Variants in NOP2 observed in about 807,000 individuals in gnomAD.
NOP2 encodes 28S rRNA (cytosine(4447)-C(5))-methyltransferase.
Under a neutral mutation model 72.7 loss-of-function variants are expected in NOP2, and 7 were observed. The ratio of observed to expected loss-of-function variants is 0.10; its 90% CI spans 0.05 to 0.18. NOP2 has a LOEUF of 0.18. Ranked by LOEUF, NOP2 falls within the 10% of genes least tolerant of loss-of-function variation. The probability of loss-of-function intolerance (pLI) is 1.00; values close to 1 mark genes in which losing one functional copy is unlikely to be tolerated. For missense variants in NOP2, 954 were observed against 1,014.7 expected (o/e 0.94, Z 0.81); for synonymous variants, 387 against 388.0 (o/e 1.00, Z 0.03).
intron 9 of NOP2, among the ~76,000 whole-genome samples, chr12:6,562,677 A>C (rs922882395): frequency 2.0e-5 from 3 of 152,182 alleles, no homozygotes; most frequent in African/African-American, 7.2e-5. Context: ...AACACATATA[A>C]CCCAACAACT....
In NOP2 at chr12:6,557,464, C is replaced by T; in HGVS notation, c.1968G>A (p.Gly656=). The change falls in exon 16 of 16, where the codon GGG becomes GGA. Residue 656 remains glycine, a synonymous_variant. Coordinates refer to ENST00000322166, the MANE Select transcript of NOP2 (RefSeq NM_001258308.2). Reference sequence around the variant, plus strand: ...GTACAGTGGACAATTCTGAGTCTGCCCCTTTGGAGATGCCATTCAGCTTCT... The same window carrying T: ...GTACAGTGGACAATTCTGAGTCTGCTCCTTTGGAGATGCCATTCAGCTTCT... ...SFQKLNGISK[G]ADSELSTVPS... The T allele has an allele frequency of 6.2e-7, 1 of 1,613,938 alleles. No individual in the cohort carries two copies. Among genetic ancestry groups the T allele is most frequent in the South Asian group, 1.1e-5 (1 of 91,088 alleles).
chr12:6,567,960 G>T, intron 1 of NOP2, 38 bp from the exon 2 acceptor site: 2 of 1,522,656 alleles, frequency 1.3e-6, no homozygotes, highest in Non-Finnish European at 1.8e-6. Flanking sequence ...GGCGTCGCGC[G>T]TGTCGGAGGG....
chr12:6,566,289 A>T lies in NOP2; in HGVS notation c.286T>A (p.Ser96Thr). The T allele has an allele frequency of 6.2e-7, 1 of 1,613,788 alleles. No homozygotes were observed. Among genetic ancestry groups the T allele is most frequent in the Non-Finnish European group, 8.5e-7 (1 of 1,179,858 alleles). ...TTGCCTCGAGGAGCATTAAATAGGGACTGGGGTCCCTTCTTACCAGCTGTC... is the reference window on the plus strand; with the variant it reads ...TTGCCTCGAGGAGCATTAAATAGGGTCTGGGGTCCCTTCTTACCAGCTGTC... The part of the protein sequence containing the change: ...VQTAGKKGPQ[S>T]LFNAPRGKKR... Residue 96 changes from serine (S) to threonine (T), a missense_variant, in exon 5 of 16, where the codon TCC (serine) becomes ACC (threonine). By Grantham distance (58) the Ser-to-Thr change is moderately conservative (BLOSUM62 1). Coordinates refer to ENST00000322166, the MANE Select transcript of NOP2 (RefSeq NM_001258308.2).
rs1349471599 is a variant in NOP2, at chr12:6,561,787, G to C, written c.1084C>G (p.Leu362Val). 1 of 1,609,796 alleles carries C rather than the reference G, an allele frequency of 6.2e-7. No individual in the cohort carries two copies. Among genetic ancestry groups the C allele is most frequent in the Non-Finnish European group, 8.5e-7 (1 of 1,178,062 alleles). The change falls in exon 11 of 16, where the codon CTG (leucine) becomes GTG (valine). Residue 362 changes from leucine (L) to valine (V), a missense_variant. Transcript: ENST00000322166. Reference protein sequence around the residue: ...SVPIGATPEYLAGHYMLQGAS... With the variant: ...SVPIGATPEYVAGHYMLQGAS... The stretch of plus-strand genomic sequence containing the variant: ...CCCTGCAGCATGTAGTGCCCAGCCA[G>C]GTACTCGGGGGTAGCACCTGTGGAG...
At chr12:6,564,278 A>AAG (rs1947724377) in intron 5 of NOP2, 1 of 235,272 alleles carries the variant, frequency 4.3e-6, no homozygotes, top group South Asian at 4.5e-5. Flanking sequence ...TTCATCTCAA[A>AAG]AAAAAAAAAA....
At chr12:6,565,836 C>G (rs1338310047) in intron 5 of NOP2, among the ~76,000 whole-genome samples, 1 of 152,044 alleles carries the variant, frequency 6.6e-6, no homozygotes, top group African/African-American at 2.4e-5. Flanking sequence ...ATTTCTGTGC[C>G]CATCAGTGGA....
At chr12:6,562,097 T>C (rs757404546) in intron 9 of NOP2, 126 bp from the exon 10 acceptor site, 113 of 713,418 alleles carry the variant, frequency 1.6e-4, no homozygotes, top group Non-Finnish European at 2.6e-4. Context: ...CAAGCGATTC[T>C]CTCGTGCCTC....
At chr12:6,567,965 G>A (rs1057410473) in intron 1 of NOP2, 43 bp from the exon 2 acceptor site, 1 of 1,493,080 alleles carries the variant, frequency 6.7e-7, no homozygotes, top group Non-Finnish European at 9.3e-7. Context: ...CGCGCGTGTC[G>A]GAGGGAACGG....
At position 6,561,796 on chromosome 12, in the gene NOP2, G is replaced by C. The variant is rs202087530; in HGVS notation, c.1075C>G (p.Pro359Ala). Residue 359 changes from proline (P) to alanine (A), a missense_variant, in exon 11 of 16, where the codon CCC becomes GCC. Around this residue, in one of 3 missense-constraint regions of NOP2, gnomAD observed 498 missense variants for 478.3 expected, o/e 1.04. Transcript: ENST00000322166. ...YDSSVPIGAT[P>A]EYLAGHYMLQ... Reference sequence around the variant, plus strand: ...ATGTAGTGCCCAGCCAGGTACTCGGGGGTAGCACCTGTGGAGAAGGACCAC... The same window carrying C: ...ATGTAGTGCCCAGCCAGGTACTCGGCGGTAGCACCTGTGGAGAAGGACCAC... 1.3e-4 allele frequency: 217 copies of C among 1,609,878 alleles called. No homozygotes were observed. The highest frequency in any genetic ancestry group is 1.8e-4 in the Non-Finnish European group (207 of 1,178,098).
rs1181424508 is a variant in NOP2 at position 6,560,764 on chromosome 12, T to C, written c.1371A>G (p.Val457=). 1 of 1,613,168 alleles carries C rather than the reference T, an allele frequency of 6.2e-7. No individual in the cohort carries two copies. The highest frequency in any genetic ancestry group is 1.1e-5 in the South Asian group (1 of 90,914). The change falls in exon 13 of 16, where the codon GTA becomes GTG. Residue 457 remains valine, a synonymous_variant. Coordinates refer to ENST00000322166, the MANE Select transcript of NOP2 (RefSeq NM_001258308.2). The surrounding 1 kb of genome is among the most constrained non-coding windows in gnomAD (Gnocchi z 5.0). ...FPKVVGGFDR[V]LLDAPCSGTG... is the part of the protein sequence containing the mutation. The stretch of plus-strand genomic sequence containing the variant: ...TGCCACTGCAGGGAGCATCCAGCAG[T>C]ACTCGGTCAAAGCCCCCCACCACCT...
At position 6,563,910 on chromosome 12, in the gene NOP2, C is replaced by A. The variant is rs567125222; in HGVS notation, c.511G>T (p.Ala171Ser). The A allele has an allele frequency of 1.2e-6, 2 of 1,613,810 alleles. No individual in the cohort carries two copies. Among genetic ancestry groups the A allele is most frequent in the African/African-American group, 1.3e-5 (1 of 75,044 alleles). The change falls in exon 6 of 16, where the codon GCC becomes TCC. Residue 171 changes from alanine to serine, a missense_variant. By Grantham distance (99) the Ala-to-Ser change is moderately conservative (BLOSUM62 1). This residue lies in a region of NOP2 where 498 missense variants were observed against 478.3 expected (regional missense o/e 1.04). Coordinates refer to ENST00000322166, the MANE Select transcript of NOP2 (RefSeq NM_001258308.2). ...ACTCACCCAGCAGCAGCTTCCCGGG[C>A]CTTCTGCTTCCGAGCAGCTCTTTCA... ...PIERAARKQK[A>S]REAAAGIQWS...
rs773956016 is a variant in NOP2, at chr12:6,563,538, C to G, written c.689-24G>C. 4 of 1,611,850 alleles carry G rather than the reference C, an allele frequency of 2.5e-6. No individual in the cohort carries two copies. The South Asian group carries it at 4.4e-5, about 18-fold the overall frequency. The stretch of plus-strand genomic sequence containing the variant: ...ATGTGGGCCTGTTAAGGAACTGTGT[C>G]ATGATGTCCTAAGGCCTGGAAATCC... On this transcript the variant is annotated intron_variant, in intron 7 of 15. Coordinates refer to ENST00000322166, the MANE Select transcript of NOP2 (RefSeq NM_001258308.2).
In NOP2 at chr12:6,561,824, T is replaced by A; in HGVS notation, c.1067-20A>T. The A allele has an allele frequency of 6.2e-7, 1 of 1,609,212 alleles. No homozygotes were observed. The highest frequency in any genetic ancestry group is 8.5e-7 in the Non-Finnish European group (1 of 1,177,790). ...TAGCACCTGTGGAGAAGGACCACCC[T>A]GTGACATGCGGTAGGGACAGGGACA... is the stretch of plus-strand genomic sequence containing the variant. On this transcript the variant is annotated intron_variant, in intron 10 of 15. Transcript: ENST00000322166.
intron 1 of NOP2, 103 bp from the exon 2 acceptor site, chr12:6,568,025 C>G (rs1360519361): frequency 1.2e-6 from 1 of 807,084 alleles, no homozygotes; most frequent in South Asian, 1.6e-5. Context: ...AGCCTCAACT[C>G]AGCACCCGCA....
Position 6,563,097 on chromosome 12 carries a change from C to A in NOP2, c.962G>T (p.Arg321Leu). 1 of 1,590,066 alleles carries A rather than the reference C, an allele frequency of 6.3e-7. No homozygotes were observed. Residue 321 changes from arginine (R) to leucine (L), a missense_variant, in exon 9 of 16, where the codon CGC becomes CTC. By Grantham distance (102) the Arg-to-Leu change is moderately radical. Transcript: ENST00000322166. ...ACCCCTCACCTGTGCAAGGTCTCGG[C>A]GTCGGGTTTTCAAGGTATTGGTCCG... is the stretch of plus-strand genomic sequence containing the variant. ...TLRTNTLKTR[R>L]RDLAQALINR... is the part of the protein sequence containing the mutation.
At chr12:6,561,582 G>T in intron 11 of NOP2, 82 bp downstream of exon 11, 1 of 1,553,564 alleles carries the variant, frequency 6.4e-7, no homozygotes, top group South Asian at 1.2e-5. Context: ...ATGAGCACTA[G>T]TGAGTCAGCA....
At chr12:6,563,243 C>T (rs568472660) in intron 8 of NOP2, 72 bp downstream of exon 8, 12 of 1,546,178 alleles carry the variant, frequency 7.8e-6, no homozygotes, top group Middle Eastern at 1.7e-4. Flanking sequence ...GCAAGGGGGC[C>T]GAACATCTTC....
At chr12:6,562,058 G>A (rs1947666884) in intron 9 of NOP2, 87 bp from the exon 10 acceptor site, 4 of 981,462 alleles carry the variant, frequency 4.1e-6, no homozygotes, top group South Asian at 2.8e-5. Context: ...GCGCAATCTC[G>A]GCTCACAGCA....
At position 6,563,379 on chromosome 12, in the gene NOP2, G is replaced by C. The variant is rs1947697936; in HGVS notation, c.824C>G (p.Ala275Gly). Residue 275 changes from alanine (A) to glycine (G), a missense_variant, in exon 8 of 16, where the codon GCC becomes GGC. Physicochemically the swap from Ala to Gly is moderately conservative, Grantham distance 60 (BLOSUM62 0). Coordinates refer to ENST00000322166, the MANE Select transcript of NOP2 (RefSeq NM_001258308.2). Reference protein sequence around the residue: ...EYLNRLKKDLAIYYSYGDFLL... With the variant: ...EYLNRLKKDLGIYYSYGDFLL... ...GAAGTCTCCATAGGAGTAGTAAATGGCCAGATCCTTCTTGAGCCGGTTCAG... is the reference window on the plus strand; with the variant it reads ...GAAGTCTCCATAGGAGTAGTAAATGCCCAGATCCTTCTTGAGCCGGTTCAG... 2 of 1,604,706 alleles carry C rather than the reference G, an allele frequency of 1.2e-6. No individual in the cohort carries two copies. Among genetic ancestry groups the C allele is most frequent in the Non-Finnish European group, 1.7e-6 (2 of 1,175,704 alleles).
Sources: gnomAD v4.1 joint callset for allele counts (sites outside exome capture counted in the v4.1 genomes callset) on GRCh38, gnomAD v4.1.1 for gene constraint, gnomAD v4.1.1 regional missense constraint, Gnocchi (gnomAD v3.1) non-coding constraint, MANE v1.5 for transcripts, NCBI Gene and HGNC (gene_info 2026-07-23, HGNC 2026-07-21) for gene names.